Variants in PRIM2 observed in about 807,000 individuals in gnomAD.
The protein encoded by PRIM2 is DNA primase large subunit.
PRIM2 carries 39 observed loss-of-function variants against 67.3 expected under a neutral mutation model. The ratio of observed to expected loss-of-function variants is 0.58; its 90% CI spans 0.45 to 0.76. PRIM2 has a LOEUF of 0.76. Ranked by LOEUF, PRIM2 falls within the 30% of genes least tolerant of loss-of-function variation. The probability of loss-of-function intolerance (pLI) is 0.00; values close to 1 mark genes in which losing one functional copy is unlikely to be tolerated. For missense variants in PRIM2, 398 were observed against 598.7 expected (o/e 0.66, Z 3.50); for synonymous variants, 143 against 198.7 (o/e 0.72, Z 2.36).
intron 7 of PRIM2, among the ~76,000 whole-genome samples, chr6:57,430,453 T>G (rs1193960964): frequency 3.5e-5 from 4 of 113,740 alleles, no homozygotes; most frequent in African/African-American, 5.2e-5. Flanking sequence ...CTTTGTTTTT[T>G]TTTTTTTTTT....
intron 7 of PRIM2, among the ~76,000 whole-genome samples, chr6:57,406,098 G>C (rs1278158560): frequency 6.6e-6 from 1 of 152,186 alleles, no homozygotes; most frequent in Non-Finnish European, 1.5e-5. Flanking sequence ...GAGACGTCAG[G>C]TCTGAGCTGG....
At chr6:57,530,809 CCTA>C (rs1774873040) in intron 8 of PRIM2, among the ~76,000 whole-genome samples, 2 of 152,002 alleles carry the variant, frequency 1.3e-5, no homozygotes, top group African/African-American at 4.8e-5. Flanking sequence ...CTCAAGCCAT[CCTA>C]CTGCTTCAGC....
chr6:57,252,428 C>A, the PRIM2 span, among the ~76,000 whole-genome samples: 1 of 152,138 alleles, frequency 6.6e-6, no homozygotes, highest in Non-Finnish European at 1.5e-5. Context: ...CTTGAGTTTC[C>A]AAGCTCTTGC....
chr6:57,571,614 C>T (rs1581996594), intron 10 of PRIM2, among the ~76,000 whole-genome samples: 1 of 152,154 alleles, frequency 6.6e-6, no homozygotes, highest in African/African-American at 2.4e-5. Flanking sequence ...AGTGCCACTG[C>T]ACTCCAGCCT....
chr6:57,636,779 T>A (rs1777129579), intron 13 of PRIM2, among the ~76,000 whole-genome samples: 1 of 152,100 alleles, frequency 6.6e-6, no homozygotes, highest in Non-Finnish European at 1.5e-5. Context: ...ATAGATAAAA[T>A]CCCCATCTCC....
chr6:57,306,552 C>A, the PRIM2 span, among the ~76,000 whole-genome samples: 1 of 152,140 alleles, frequency 6.6e-6, no homozygotes, highest in South Asian at 2.1e-4. Context: ...ACTGTATTGT[C>A]AGGGTTCGCT....
At chr6:57,549,900 AC>A (rs1205033088) in intron 10 of PRIM2, among the ~76,000 whole-genome samples, 2 of 152,246 alleles carry the variant, frequency 1.3e-5, no homozygotes, top group African/African-American at 4.8e-5. Context: ...AGCCTGACCA[AC>A]ATGGAGAAAC....
chr6:57,514,270 A>G (rs1554348013), intron 8 of PRIM2, among the ~76,000 whole-genome samples: 1 of 152,208 alleles, frequency 6.6e-6, no homozygotes, highest in Admixed American at 6.5e-5. Flanking sequence ...AGCTTTTCTT[A>G]CTATCCAAAG....
At chr6:57,533,980 A>G (rs1270525289) in intron 9 of PRIM2, among the ~76,000 whole-genome samples, 3 of 152,346 alleles carry the variant, frequency 2.0e-5, no homozygotes, top group Admixed American at 1.3e-4. Flanking sequence ...ATACAGATGT[A>G]TCTTTTTCTG....
chr6:57,501,586 C>T (rs1751015575), intron 7 of PRIM2, among the ~76,000 whole-genome samples: 1 of 152,188 alleles, frequency 6.6e-6, no homozygotes, highest in African/African-American at 2.4e-5. Context: ...AGGCATGAGC[C>T]ACTGTGCCTG....
Position 57,366,873 on chromosome 6 carries a change from C to G in PRIM2, c.460-13028C>G, listed in dbSNP as rs56700868. ...GGGAATAAAGTTATGTTAATTTATG[C>G]TAGCACGGTGTTCTCATGAGATAGC... On this transcript the variant is annotated intron_variant, in intron 5 of 13. Coordinates refer to ENST00000615550, the MANE Select transcript of PRIM2 (RefSeq NM_000947.5). Among the ~76,000 whole-genome samples the G allele has an allele frequency of 8.6e-3, 1,311 of 152,196 alleles. 12 individuals carry two copies. Among genetic ancestry groups the G allele is most frequent in the African/African-American group, 0.028 (1,163 of 41,508 alleles).
rs536551260 is a variant in PRIM2, at chr6:57,439,248, T to C, written c.693+57080T>C. Among the ~76,000 whole-genome samples, 168 of 152,262 alleles carry C rather than the reference T, an allele frequency of 1.1e-3. 1 individual carries two copies. Among genetic ancestry groups the C allele is most frequent in the Non-Finnish European group, 1.9e-3 (131 of 68,016 alleles). On this transcript the variant is annotated intron_variant, in intron 7 of 13. Transcript: ENST00000615550. ...AGTATTGTATAGAAAAACTTAAATA[T>C]GCATTTTACCTTTTTTATTTAATTG... is the stretch of plus-strand genomic sequence containing the variant.
intron 3 of PRIM2, among the ~76,000 whole-genome samples, chr6:57,323,638 A>G (rs2127272700): frequency 6.6e-6 from 1 of 152,194 alleles, no homozygotes; most frequent in East Asian, 1.9e-4. Flanking sequence ...GGTTGGGGTC[A>G]AGGGGAGAGA....
intron 8 of PRIM2, among the ~76,000 whole-genome samples, chr6:57,517,497 G>A (rs1187764825): frequency 1.3e-5 from 2 of 152,068 alleles, no homozygotes; most frequent in Non-Finnish European, 2.9e-5. Flanking sequence ...AACATGGCTA[G>A]TACTACTAAA....
At chr6:57,374,328 C>T (rs1262134236) in intron 5 of PRIM2, among the ~76,000 whole-genome samples, 5 of 147,130 alleles carry the variant, frequency 3.4e-5, no homozygotes, top group African/African-American at 1.2e-4. Context: ...GAGTTTCGCT[C>T]TGTCGCCCAG....
At chr6:57,418,388 T>TGG (rs1771347749) in intron 7 of PRIM2, among the ~76,000 whole-genome samples, 1 of 70,910 alleles carries the variant, frequency 1.4e-5, no homozygotes, top group Non-Finnish European at 2.7e-5. Context: ...GTGTGGTTTT[T>TGG]TTTTTTTTTT....
At chr6:57,236,433 T>C in the PRIM2 span, among the ~76,000 whole-genome samples, 1 of 152,168 alleles carries the variant, frequency 6.6e-6, no homozygotes, top group Non-Finnish European at 1.5e-5. Flanking sequence ...ATTATTATTA[T>C]ACTTTAAGTT....
chr6:57,285,278 G>T, the PRIM2 span, among the ~76,000 whole-genome samples: 2 of 152,120 alleles, frequency 1.3e-5, no homozygotes. Flanking sequence ...ATTTTATGAG[G>T]CCAGCATCAT....
At chr6:57,261,976 C>G in the PRIM2 span, among the ~76,000 whole-genome samples, 5 of 152,188 alleles carry the variant, frequency 3.3e-5, no homozygotes. Flanking sequence ...GTTAAAGTCC[C>G]TTCATTTGAA....
Sources: allele counts gnomAD v4.1 joint callset (sites outside exome capture counted in the v4.1 genomes callset), GRCh38; gene constraint gnomAD v4.1.1; transcripts MANE v1.5; gene names NCBI Gene and HGNC (gene_info 2026-07-23, HGNC 2026-07-21).